The following IPO5 variants were observed in gnomAD, a reference collection of about 807,000 sequenced individuals.
The protein encoded by IPO5 is importin 5.
In IPO5, 18 loss-of-function variants were observed where a neutral mutation model predicts 143.3. The observed-to-expected ratio is 0.13, with a 90% CI of 0.09 to 0.19. The LOEUF is 0.19. Ranked by LOEUF, IPO5 falls within the 10% of genes least tolerant of loss-of-function variation. The pLI, the probability that IPO5 is intolerant of heterozygous loss-of-function variation, is 1.00. For synonymous variants in IPO5, 477 were observed against 465.7 expected, an observed-to-expected ratio of 1.02 and a Z score of -0.31; for missense variants, 1,013 against 1,336.9, an observed-to-expected ratio of 0.76 and a Z score of 3.78.
At chr13:98,018,187 AT>A (rs1890250639) in intron 25 of IPO5, among the ~76,000 whole-genome samples, 1 of 152,010 alleles carries the variant, frequency 6.6e-6, no homozygotes, top group Non-Finnish European at 1.5e-5. Context: ...TAGCATTACC[AT>A]TGTCTTTTTT....
intron 3 of IPO5, among the ~76,000 whole-genome samples, chr13:97,971,810 C>G (rs950466485): frequency 6.6e-6 from 1 of 152,144 alleles, no homozygotes; most frequent in Non-Finnish European, 1.5e-5. Flanking sequence ...AGAGTAATTA[C>G]TTGTTTAAGG....
chr13:97,996,256 G>T (rs1888278017), intron 11 of IPO5, among the ~76,000 whole-genome samples: 1 of 152,080 alleles, frequency 6.6e-6, no homozygotes, highest in Non-Finnish European at 1.5e-5. Context: ...TTACCATGTT[G>T]CCCAGGCTGG....
At chr13:97,977,262 C>T (rs769224488) in intron 4 of IPO5, among the ~76,000 whole-genome samples, 1 of 152,188 alleles carries the variant, frequency 6.6e-6, no homozygotes, top group Non-Finnish European at 1.5e-5. Flanking sequence ...TGCTCATCTC[C>T]CACACCGTCT....
At position 98,016,775 on chromosome 13, in the gene IPO5, A is replaced by G; in HGVS notation, c.2540A>G (p.His847Arg). Residue 847 changes from histidine to arginine, a missense_variant, in exon 25 of 29, where the codon CAC becomes CGC. Around this residue, in one of 2 missense-constraint regions of IPO5, gnomAD observed 685 missense variants for 994.9 expected, o/e 0.69. Coordinates refer to ENST00000651721, the MANE Select transcript of IPO5 (RefSeq NM_002271.6). ...YILTKVSDIL[H>R]SIFSSYKEKV... Reference sequence around the variant, plus strand: ...CTGACCAAAGTGTCAGATATTTTACACTCAATATTCAGTAGCTACAAAGAA... The same window carrying G: ...CTGACCAAAGTGTCAGATATTTTACGCTCAATATTCAGTAGCTACAAAGAA... 6 of 1,545,482 alleles carry G rather than the reference A, an allele frequency of 3.9e-6. No individual in the cohort carries two copies. Among genetic ancestry groups the G allele is most frequent in the Non-Finnish European group, 5.3e-6 (6 of 1,137,838 alleles).
intron 2 of IPO5, among the ~76,000 whole-genome samples, chr13:97,961,055 T>C (rs908019608): frequency 6.6e-6 from 1 of 152,116 alleles, no homozygotes; most frequent in Admixed American, 6.6e-5. Context: ...TTCTGGACAT[T>C]TCCCATAAGT....
At chr13:97,986,358 A>T (rs768426199) in intron 6 of IPO5, among the ~76,000 whole-genome samples, 20 of 148,412 alleles carry the variant, frequency 1.3e-4, no homozygotes, top group African/African-American at 3.2e-4. Flanking sequence ...ATGTATATAT[A>T]TATTTTTTTT....
intron 4 of IPO5, among the ~76,000 whole-genome samples, chr13:97,980,822 A>G (rs934463849): frequency 1.5e-5 from 2 of 130,820 alleles, no homozygotes; most frequent in African/African-American, 2.7e-5. Context: ...GTGAGACTCT[A>G]TCTCAAAAAA....
In IPO5 at chr13:98,015,539, G is replaced by A. The variant is rs1185510731; in HGVS notation, c.2335G>A (p.Val779Ile). The change falls in exon 23 of 29, where the codon GTA becomes ATA. Residue 779 changes from valine to isoleucine, a missense_variant. Coordinates refer to ENST00000651721, the MANE Select transcript of IPO5 (RefSeq NM_002271.6). ...IMHSFAKCIE[V>I]MGDGCLNNEH... ...TCCTCAACCTCATTAGTGCATTGAA[G>A]TAATGGGAGATGGATGCCTTAATAA... 1 of 1,597,072 alleles carries A rather than the reference G, an allele frequency of 6.3e-7. No homozygotes were observed. The highest frequency in any genetic ancestry group is 2.2e-5 in the East Asian group (1 of 44,756).
At chr13:97,972,260 A>AT (rs1467836318) in intron 3 of IPO5, among the ~76,000 whole-genome samples, 1 of 152,172 alleles carries the variant, frequency 6.6e-6, no homozygotes, top group Non-Finnish European at 1.5e-5. Context: ...ACAAAACCAA[A>AT]TTCTATCCCA....
intron 25 of IPO5, among the ~76,000 whole-genome samples, chr13:98,017,686 G>T (rs377380971): frequency 1.3e-5 from 2 of 152,156 alleles, no homozygotes; most frequent in Admixed American, 1.3e-4. Flanking sequence ...GCCCCTGTGC[G>T]TGCATGGCCT....
At chr13:97,957,501 T>A (rs1012762953) in intron 2 of IPO5, among the ~76,000 whole-genome samples, 3 of 152,136 alleles carry the variant, frequency 2.0e-5, no homozygotes, top group African/African-American at 7.2e-5. Context: ...CAGCCTGATC[T>A]AAGTTCTTTA....
Position 98,022,130 on chromosome 13 carries a change from A to C in IPO5, c.*308A>C. On this transcript the variant is annotated 3_prime_UTR_variant, in exon 29 of 29. Coordinates refer to ENST00000651721, the MANE Select transcript of IPO5 (RefSeq NM_002271.6). The stretch of plus-strand genomic sequence containing the variant: ...CAAATTAATTTTTCTCGTTAGACAT[A>C]AGGAAATTTAAGGAAAAACAGCTTT... 1 of 213,030 alleles carries C rather than the reference A, an allele frequency of 4.7e-6. No homozygotes were observed. Among genetic ancestry groups the C allele is most frequent in the Non-Finnish European group, 9.5e-6 (1 of 105,624 alleles). 13.2% of individuals were successfully genotyped at this position (213,030 alleles called of 1,614,324 possible).
At chr13:97,998,462 A>G (rs1171639836) in intron 12 of IPO5, among the ~76,000 whole-genome samples, 1 of 152,150 alleles carries the variant, frequency 6.6e-6, no homozygotes, top group Non-Finnish European at 1.5e-5. Context: ...TACACATCAT[A>G]TTTTCCTAGT....
In IPO5 at chr13:98,023,022, A is replaced by C. The variant is rs2139897583; in HGVS notation, c.*1200A>C. 1 of 152,816 alleles carries C rather than the reference A, an allele frequency of 6.5e-6. No individual in the cohort carries two copies. Among genetic ancestry groups the C allele is most frequent in the East Asian group, 1.9e-4 (1 of 5,194 alleles). 9.5% of individuals were successfully genotyped at this position (152,816 alleles called of 1,614,324 possible). On this transcript the variant is annotated 3_prime_UTR_variant, in exon 29 of 29. Coordinates refer to ENST00000651721, the MANE Select transcript of IPO5 (RefSeq NM_002271.6). ...AGTTTGTACTAAATTTAACCGTGAT[A>C]TAAAAATGAATTTTATGCATAGATC...
chr13:98,000,442 A>T (rs1184912255), intron 12 of IPO5, 97 bp from the exon 13 acceptor site: 6 of 780,006 alleles, frequency 7.7e-6, no homozygotes, highest in Non-Finnish European at 1.3e-5. Context: ...TCTCAGTCTT[A>T]GTTTAATAAT....
chr13:97,995,159 C>T (rs1594087042), intron 11 of IPO5, among the ~76,000 whole-genome samples: 1 of 143,038 alleles, frequency 7.0e-6, no homozygotes. Context: ...GGATATCTTT[C>T]TTTCATTCTT....
chr13:98,019,394 T>C (rs1177130771), intron 26 of IPO5, among the ~76,000 whole-genome samples, 187 bp from the exon 27 acceptor site: 1 of 152,246 alleles, frequency 6.6e-6, no homozygotes, highest in African/African-American at 2.4e-5. Flanking sequence ...CTAGTGCTCC[T>C]GTCCATGCTG....
chr13:98,019,141 A>C (rs1016759721), intron 26 of IPO5, among the ~76,000 whole-genome samples: 1 of 151,830 alleles, frequency 6.6e-6, no homozygotes, highest in Non-Finnish European at 1.5e-5. Flanking sequence ...TTTAGTAGAG[A>C]TGGGGTTTCA....
In IPO5 at chr13:97,969,839, T is replaced by C; in HGVS notation, c.-5+9T>C. ...ACAGAAAACACAATAAGGTAACTGA[T>C]TTCACCTGGGGAAAAGTCACTTCCT... On this transcript the variant is annotated intron_variant, in intron 3 of 28. Transcript: ENST00000651721. The C allele has an allele frequency of 6.2e-7, 1 of 1,601,932 alleles. No homozygotes were observed. Among genetic ancestry groups the C allele is most frequent in the Non-Finnish European group, 8.5e-7 (1 of 1,172,440 alleles).
Sources: gnomAD v4.1 joint callset for allele counts (sites outside exome capture counted in the v4.1 genomes callset) on GRCh38, gnomAD v4.1.1 for gene constraint, gnomAD v4.1.1 regional missense constraint, MANE v1.5 for transcripts, NCBI Gene and HGNC (gene_info 2026-07-23, HGNC 2026-07-21) for gene names.